Variants in CAMTA1 observed in about 807,000 individuals in gnomAD.
CAMTA1 encodes calmodulin-binding transcription activator 1.
Under a neutral mutation model 170.9 loss-of-function variants are expected in CAMTA1, and 27 were observed. That is an observed-to-expected ratio of 0.16 (90% CI 0.12 to 0.22). The LOEUF is 0.22. CAMTA1 is among the 10% of genes least tolerant of loss of function. The pLI, the probability that CAMTA1 is intolerant of heterozygous loss-of-function variation, is 1.00. For missense variants in CAMTA1, 1,619 were observed against 2,217.2 expected, an observed-to-expected ratio of 0.73 and a Z score of 5.42; for synonymous variants, 833 against 891.5, an observed-to-expected ratio of 0.93 and a Z score of 1.17.
At chr1:7,349,801 C>T (rs1021986281) in intron 5 of CAMTA1, among the ~76,000 whole-genome samples, 11 of 152,200 alleles carry the variant, frequency 7.2e-5, no homozygotes, top group African/African-American at 2.4e-4. Flanking sequence ...AACTTTGACA[C>T]CTTTTCACAG....
chr1:7,246,566 T>C (rs1394815092), intron 4 of CAMTA1, among the ~76,000 whole-genome samples: 2 of 150,648 alleles, frequency 1.3e-5, no homozygotes, highest in Non-Finnish European at 2.9e-5. Flanking sequence ...GTTAAAGCCC[T>C]CCCCTGACTG....
intron 3 of CAMTA1, among the ~76,000 whole-genome samples, chr1:6,899,552 GCGCACA>G (rs1198604334): frequency 0.1 from 10,513 of 104,770 alleles, 638 homozygotes; most frequent in Admixed American, 0.27. Flanking sequence ...GCACGCGCGC[GCGCACA>G]CACACACACA....
chr1:7,249,204 G>A lies in CAMTA1; in HGVS notation c.303-287G>A, dbSNP rs1414000820. 6.6e-6 allele frequency among the ~76,000 whole-genome samples: 1 copy of A among 152,102 alleles called. No homozygotes were observed. Among genetic ancestry groups the A allele is most frequent in the Non-Finnish European group, 1.5e-5 (1 of 68,024 alleles). On this transcript the variant is annotated intron_variant, in intron 4 of 22. Coordinates refer to ENST00000303635, the MANE Select transcript of CAMTA1 (RefSeq NM_015215.4). The surrounding 1 kb of genome is among the most constrained non-coding windows in gnomAD (Gnocchi z 4.4). ...TGCCTACTTTTCAGTGCAGAGCTCAGGCCCCCACATCGTATATCCTGATTA... is the reference window on the plus strand; with the variant it reads ...TGCCTACTTTTCAGTGCAGAGCTCAAGCCCCCACATCGTATATCCTGATTA...
intron 6 of CAMTA1, among the ~76,000 whole-genome samples, chr1:7,557,073 C>T (rs796455124): frequency 5.9e-5 from 9 of 152,046 alleles, no homozygotes; most frequent in East Asian, 1.9e-4. Context: ...TTGGGGAGAC[C>T]GAGGCGGGAG....
chr1:7,277,435 AAAT>A (rs1670872554), intron 5 of CAMTA1, among the ~76,000 whole-genome samples: 1 of 150,766 alleles, frequency 6.6e-6, no homozygotes, highest in Non-Finnish European at 1.5e-5. Flanking sequence ...CTAGAGAACT[AAAT>A]TAATCTTTCC....
In CAMTA1 at chr1:7,674,718, G is replaced by A. The variant is rs1204877438; in HGVS notation, c.2780-2881G>A. On this transcript the variant is annotated intron_variant, in intron 10 of 22. Coordinates refer to ENST00000303635, the MANE Select transcript of CAMTA1 (RefSeq NM_015215.4). This position sits in a 1 kb window ranked among gnomAD's most constrained non-coding sequence, Gnocchi z 4.1. Reference sequence around the variant, plus strand: ...GAACCTGGCAGGTGGAGGTTGCAGTGAGCCAAGATCACGCCACTGCACTCC... The same window carrying A: ...GAACCTGGCAGGTGGAGGTTGCAGTAAGCCAAGATCACGCCACTGCACTCC... 6.6e-6 allele frequency among the ~76,000 whole-genome samples: 1 copy of A among 152,118 alleles called. No homozygotes were observed. The highest frequency in any genetic ancestry group is 2.4e-5 in the African/African-American group (1 of 41,408).
chr1:7,279,465 G>A (rs1048253818), intron 5 of CAMTA1, among the ~76,000 whole-genome samples: 7 of 152,230 alleles, frequency 4.6e-5, no homozygotes, highest in South Asian at 4.1e-4. Flanking sequence ...CCAGGGGACC[G>A]GCAGCCCCAA....
At chr1:7,239,544 A>G (rs1452801148) in intron 4 of CAMTA1, among the ~76,000 whole-genome samples, 1 of 151,354 alleles carries the variant, frequency 6.6e-6, no homozygotes, top group Middle Eastern at 3.4e-3. Flanking sequence ...CTGTATCCCC[A>G]TGGCATCATT....
At chr1:6,816,089 A>G (rs1452763569) in intron 1 of CAMTA1, among the ~76,000 whole-genome samples, 3 of 152,196 alleles carry the variant, frequency 2.0e-5, no homozygotes, top group African/African-American at 7.2e-5. Flanking sequence ...TTTGGGCATC[A>G]GAGTTTTGGA....
At chr1:7,152,869 C>T (rs778584384) in intron 4 of CAMTA1, among the ~76,000 whole-genome samples, 2 of 152,154 alleles carry the variant, frequency 1.3e-5, no homozygotes, top group African/African-American at 4.8e-5. Context: ...TGTTCCAGGC[C>T]GAGGTTTTCT....
intron 1 of CAMTA1, among the ~76,000 whole-genome samples, chr1:6,799,678 A>G (rs1226572779): frequency 2.0e-5 from 3 of 152,180 alleles, no homozygotes; most frequent in African/African-American, 7.2e-5. Flanking sequence ...GTTCCTTCCC[A>G]TTAATAATAA....
At chr1:6,955,387 G>A (rs958468240) in intron 3 of CAMTA1, among the ~76,000 whole-genome samples, 2 of 152,160 alleles carry the variant, frequency 1.3e-5, no homozygotes, top group Non-Finnish European at 2.9e-5. Flanking sequence ...TGAGAACCAC[G>A]GTCAAGCTGA....
At chr1:6,800,887 TC>T (rs773662927) in intron 1 of CAMTA1, among the ~76,000 whole-genome samples, 146 of 152,228 alleles carry the variant, frequency 9.6e-4, no homozygotes, top group Admixed American at 1.8e-3. Context: ...AAGTTGAAGT[TC>T]CTGGTGTTCG....
chr1:7,182,424 G>A (rs1049713197), intron 4 of CAMTA1, among the ~76,000 whole-genome samples: 1 of 151,456 alleles, frequency 6.6e-6, no homozygotes, highest in Non-Finnish European at 1.5e-5. Flanking sequence ...GCCTGGGGAG[G>A]TCGAGGCTGC....
chr1:6,948,190 G>A (rs777074147), intron 3 of CAMTA1, among the ~76,000 whole-genome samples: 2 of 152,210 alleles, frequency 1.3e-5, no homozygotes, highest in South Asian at 2.1e-4. Flanking sequence ...TGTTACAGCC[G>A]AAGAGCTGTG....
chr1:7,153,064 T>A lies in CAMTA1; in HGVS notation c.302+61693T>A, dbSNP rs372512612. Among the ~76,000 whole-genome samples the A allele has an allele frequency of 1.4e-4, 21 of 152,296 alleles. 1 individual carries two copies. In the East Asian group the frequency reaches 2.3e-3, roughly 17 times the overall value. On this transcript the variant is annotated intron_variant, in intron 4 of 22. Coordinates refer to ENST00000303635, the MANE Select transcript of CAMTA1 (RefSeq NM_015215.4). Reference sequence around the variant, plus strand: ...CATTTCATAGACACTTGAAGCAAGTTAGGTGGGATGCGAGGATATTGAATT... The same window carrying A: ...CATTTCATAGACACTTGAAGCAAGTAAGGTGGGATGCGAGGATATTGAATT...
chr1:7,296,556 G>C (rs1170862634), intron 5 of CAMTA1, among the ~76,000 whole-genome samples: 2 of 152,204 alleles, frequency 1.3e-5, no homozygotes, highest in African/African-American at 2.4e-5. Context: ...GTGGGAATAA[G>C]GTGAAAGAAA....
chr1:7,594,138 A>AGAAGGAAG (rs1351307974), intron 6 of CAMTA1, among the ~76,000 whole-genome samples: 1 of 149,408 alleles, frequency 6.7e-6, no homozygotes, highest in African/African-American at 2.5e-5. Flanking sequence ...AAAGAAAGAA[A>AGAAGGAAG]GAAGGAAGGA....
intron 5 of CAMTA1, among the ~76,000 whole-genome samples, chr1:7,358,248 C>T (rs186475249): frequency 1.8e-4 from 28 of 152,324 alleles, no homozygotes; most frequent in African/African-American, 6.0e-4. Context: ...TTTTCTGAAT[C>T]TGTAGCTGAA....
Sources: allele counts gnomAD v4.1 joint callset (sites outside exome capture counted in the v4.1 genomes callset), GRCh38; gene constraint gnomAD v4.1.1; non-coding constraint Gnocchi (gnomAD v3.1); transcripts MANE v1.5; gene names NCBI Gene and HGNC (gene_info 2026-07-23, HGNC 2026-07-21).